The following RYR2 variants were observed in gnomAD, a reference collection of about 807,000 sequenced individuals.
RYR2 encodes cardiac muscle ryanodine receptor-calcium release channel.
RYR2 carries 227 observed loss-of-function variants against 601.1 expected under a neutral mutation model. The ratio of observed to expected loss-of-function variants is 0.38; its 90% CI spans 0.34 to 0.42. RYR2 has a LOEUF of 0.42. Ranked by LOEUF, RYR2 falls within the 10% of genes least tolerant of loss-of-function variation. The probability of loss-of-function intolerance (pLI) is 1.00; values close to 1 mark genes in which losing one functional copy is unlikely to be tolerated. For missense variants in RYR2, 4,646 were observed against 6,156.5 expected, an observed-to-expected ratio of 0.75 and a Z score of 8.21; for synonymous variants, 2,223 against 2,175.1, an observed-to-expected ratio of 1.02 and a Z score of -0.61.
chr1:237,331,029 C>A, intron 3 of RYR2, 47 bp downstream of exon 3: 1 of 1,431,440 alleles, frequency 7.0e-7, no homozygotes, highest in Non-Finnish European at 9.9e-7. Context: ...ATGAGCTCAG[C>A]TACTATAGGA....
chr1:237,427,927 T>A (rs1165944970), intron 12 of RYR2, among the ~76,000 whole-genome samples: 2 of 147,568 alleles, frequency 1.4e-5, no homozygotes, highest in Non-Finnish European at 3.0e-5. Flanking sequence ...CGTAAAACAA[T>A]AAAAAGTGGG....
At chr1:237,524,734 A>T (rs1667404665) in intron 24 of RYR2, among the ~76,000 whole-genome samples, 1 of 151,972 alleles carries the variant, frequency 6.6e-6, no homozygotes, top group Non-Finnish European at 1.5e-5. Context: ...ATATAGACAT[A>T]TATGTATATA....
Position 237,566,869 on chromosome 1 carries a change from C to G in RYR2, c.3423+94C>G, listed in dbSNP as rs2779401. 3.8e-6 allele frequency: 5 copies of G among 1,303,516 alleles called. No homozygotes were observed. In the South Asian group the frequency reaches 6.1e-5, roughly 16 times the overall value. 80.7% of individuals were successfully genotyped at this position (1,303,516 alleles called of 1,614,324 possible). ...TGGTAGCTTCACAGTACCAGTGTTT[C>G]CCACAGCACAAACGTGGAAAAATAT... On this transcript the variant is annotated intron_variant, in intron 28 of 104. Transcript: ENST00000366574.
intron 15 of RYR2, among the ~76,000 whole-genome samples, chr1:237,455,357 G>T (rs1399658570): frequency 1.3e-5 from 2 of 151,758 alleles, no homozygotes; most frequent in Non-Finnish European, 2.9e-5. Context: ...TAACAAAAAA[G>T]GTTATTCATT....
chr1:237,701,673 C>A (rs562996912), intron 65 of RYR2, among the ~76,000 whole-genome samples: 106 of 151,882 alleles, frequency 7.0e-4, no homozygotes, highest in African/African-American at 2.2e-3. Flanking sequence ...TCGTCATCCA[C>A]CCCCTCCTGC....
intron 27 of RYR2, among the ~76,000 whole-genome samples, chr1:237,564,599 C>G (rs929502842): frequency 1.3e-5 from 2 of 152,116 alleles, no homozygotes; most frequent in African/African-American, 4.8e-5. Context: ...GCACAAACTA[C>G]CTTTAAATAT....
chr1:237,487,694 A>G (rs913182506), intron 17 of RYR2, among the ~76,000 whole-genome samples: 38 of 151,526 alleles, frequency 2.5e-4, no homozygotes, highest in African/African-American at 8.5e-4. Context: ...AATCGTGCCA[A>G]TGCTCTCCAG....
intron 5 of RYR2, among the ~76,000 whole-genome samples, chr1:237,367,220 A>G (rs1476876708): frequency 6.6e-6 from 1 of 151,810 alleles, no homozygotes; most frequent in Non-Finnish European, 1.5e-5. Context: ...CAGCCTCCTG[A>G]AAGTAGCTGG....
intron 13 of RYR2, among the ~76,000 whole-genome samples, chr1:237,444,497 G>A (rs896135909): frequency 1.3e-5 from 2 of 152,084 alleles, no homozygotes; most frequent in Admixed American, 6.6e-5. Flanking sequence ...ACCTGGGTAG[G>A]TGTATTAAAT....
Position 237,631,548 on chromosome 1 carries a change from T to C in RYR2, c.6555+7T>C. 6.4e-7 allele frequency: 1 copy of C among 1,567,782 alleles called. No homozygotes were observed. Among genetic ancestry groups the C allele is most frequent in the Non-Finnish European group, 8.7e-7 (1 of 1,145,556 alleles). On this transcript the variant is annotated splice_region_variant and intron_variant, in intron 42 of 104. Coordinates refer to ENST00000366574, the MANE Select transcript of RYR2 (RefSeq NM_001035.3). ...TGGAGGTGGAGAGTCCAAGGTAACG[T>C]CTTTGATTCCTGAGATGCTATTTAG...
intron 43 of RYR2, 58 bp from the exon 44 acceptor site, chr1:237,634,831 T>C (rs1680707913): frequency 7.7e-7 from 1 of 1,291,392 alleles, no homozygotes; most frequent in South Asian, 1.3e-5. Context: ...TATTTTTGTA[T>C]GGAGTTTATA....
At chr1:237,363,540 T>C (rs182885709) in intron 4 of RYR2, among the ~76,000 whole-genome samples, 123 of 152,194 alleles carry the variant, frequency 8.1e-4, no homozygotes, top group African/African-American at 2.9e-3. Flanking sequence ...CTTTTCTCCA[T>C]AGGACTTAGA....
At chr1:237,205,381 C>G (rs1255380237) in intron 1 of RYR2, among the ~76,000 whole-genome samples, 4 of 152,166 alleles carry the variant, frequency 2.6e-5, no homozygotes, top group African/African-American at 9.7e-5. Context: ...AGCTGCTGGT[C>G]CAGCTGTGGG....
intron 2 of RYR2, among the ~76,000 whole-genome samples, chr1:237,272,099 C>T (rs1689748788): frequency 6.6e-6 from 1 of 152,080 alleles, no homozygotes; most frequent in Admixed American, 6.6e-5. Flanking sequence ...CACTGCACTC[C>T]AGCCTGGGTG....
At chr1:237,748,555 G>A (rs1692274670) in intron 80 of RYR2, among the ~76,000 whole-genome samples, 1 of 152,200 alleles carries the variant, frequency 6.6e-6, no homozygotes, top group Non-Finnish European at 1.5e-5. Flanking sequence ...TAAGTACACT[G>A]TGTGGGGGCA....
At chr1:237,083,871 A>G (rs2148415015) in intron 1 of RYR2, among the ~76,000 whole-genome samples, 2 of 152,290 alleles carry the variant, frequency 1.3e-5, no homozygotes, top group South Asian at 4.1e-4. Context: ...ACTTTTGTCC[A>G]CTTAGGCATG....
intron 63 of RYR2, among the ~76,000 whole-genome samples, chr1:237,695,279 G>A (rs1286621103): frequency 6.6e-6 from 1 of 152,110 alleles, no homozygotes; most frequent in African/African-American, 2.4e-5. Flanking sequence ...ATTAGACCCA[G>A]GTGTAAGTTA....
intron 1 of RYR2, among the ~76,000 whole-genome samples, chr1:237,266,943 G>A (rs1434405478): frequency 6.6e-6 from 1 of 152,268 alleles, no homozygotes; most frequent in Non-Finnish European, 1.5e-5. Context: ...TGAACTTAAT[G>A]TTGCTTCATT....
intron 66 of RYR2, among the ~76,000 whole-genome samples, chr1:237,704,303 T>C (rs1688189580): frequency 6.6e-6 from 1 of 152,118 alleles, no homozygotes; most frequent in Non-Finnish European, 1.5e-5. Flanking sequence ...GAACTTTATT[T>C]CTCTTGGGTA....
Sources: gnomAD v4.1 joint callset for allele counts (sites outside exome capture counted in the v4.1 genomes callset) on GRCh38, gnomAD v4.1.1 for gene constraint, MANE v1.5 for transcripts, NCBI Gene and HGNC (gene_info 2026-07-23, HGNC 2026-07-21) for gene names.